Variants in ZNF385C observed in about 807,000 individuals in gnomAD.
ZNF385C encodes CTD-2132N18.2.
ZNF385C carries 28 observed loss-of-function variants against 35.4 expected under a neutral mutation model. That is an observed-to-expected ratio of 0.79 (90% CI 0.59 to 1.08). ZNF385C has a LOEUF of 1.08. Among genes scored for constraint, ZNF385C ranks in the 50% least tolerant of loss-of-function variants. The pLI is 0.00. For synonymous variants in ZNF385C, 248 were observed against 248.2 expected, an observed-to-expected ratio of 1.00 and a Z score of 0.01; for missense variants, 605 against 595.6, an observed-to-expected ratio of 1.02 and a Z score of -0.16.
chr17:42,092,589 C>G (rs1255024991), intron 1 of ZNF385C, among the ~76,000 whole-genome samples: 1 of 152,178 alleles, frequency 6.6e-6, no homozygotes, highest in African/African-American at 2.4e-5. Context: ...CTGCTAAAGT[C>G]TCACTGGAGG....
rs1555658121 is a variant in ZNF385C, at chr17:42,062,907, G to C, written c.150C>G (p.Ile50Met). 1.5e-6 allele frequency: 1 copy of C among 687,090 alleles called. No homozygotes were observed. Among genetic ancestry groups the C allele is most frequent in the South Asian group, 1.5e-5 (1 of 65,630 alleles). 42.6% of individuals were successfully genotyped at this position (687,090 alleles called of 1,614,324 possible). ...PSYTLCDVCN[I>M]QLNSAAQAQV... ...GGGCCTGGGCCGCCGAGTTCAGCTGGATGTTGCAGACATCACAGAGCGTGT... is the reference window on the plus strand; with the variant it reads ...GGGCCTGGGCCGCCGAGTTCAGCTGCATGTTGCAGACATCACAGAGCGTGT... The change falls in exon 2 of 9, where the codon ATC becomes ATG. Residue 50 changes from isoleucine to methionine, a missense_variant. Physicochemically the swap from Ile to Met is conservative, Grantham distance 10 (BLOSUM62 1). Transcript: ENST00000692273.
intron 2 of ZNF385C, chr17:42,040,259 C>T: frequency 1.1e-5 from 14 of 1,231,624 alleles, no homozygotes; most frequent in Non-Finnish European, 1.0e-5. Flanking sequence ...AGGAAGGATC[C>T]CCGGAGCCAC....
intron 2 of ZNF385C, chr17:42,038,573 C>T (rs531635524): frequency 1.3e-5 from 2 of 152,286 alleles, no homozygotes; most frequent in East Asian, 3.9e-4. Context: ...GGGGTAGGAA[C>T]TTGGAGAGCA....
chr17:42,093,757 C>T (rs1437809766), intron 1 of ZNF385C, among the ~76,000 whole-genome samples: 4 of 151,524 alleles, frequency 2.6e-5, no homozygotes, highest in Non-Finnish European at 4.4e-5. Context: ...ATTTTTTGTA[C>T]TTTTTTAGCA....
At chr17:42,072,030 G>A (rs1189940727) in intron 1 of ZNF385C, among the ~76,000 whole-genome samples, 4 of 152,278 alleles carry the variant, frequency 2.6e-5, no homozygotes, top group Admixed American at 2.6e-4. Flanking sequence ...GGTAGGAAGG[G>A]GCGGGACAGG....
At chr17:42,073,381 T>C (rs11079032) in intron 1 of ZNF385C, among the ~76,000 whole-genome samples, 88,518 of 151,516 alleles carry the variant, frequency 0.58, 26,209 homozygotes, top group African/African-American at 0.64. Flanking sequence ...TTGCAGTGAG[T>C]CAAAACCACC....
intron 2 of ZNF385C, chr17:42,043,057 G>T (rs1331803469): frequency 2.1e-5 from 26 of 1,232,196 alleles, no homozygotes; most frequent in South Asian, 1.2e-4. Flanking sequence ...GCCTGGGCAG[G>T]CCCCTCCACC....
chr17:42,069,171 C>A (rs1754835276), intron 1 of ZNF385C, among the ~76,000 whole-genome samples: 1 of 152,060 alleles, frequency 6.6e-6, no homozygotes, highest in African/African-American at 2.4e-5. Context: ...GAGGGAGCCA[C>A]CCACTTGGAG....
Position 42,068,971 on chromosome 17 carries a change from G to A in ZNF385C, c.-2-5913C>T, listed in dbSNP as rs541669695. Among the ~76,000 whole-genome samples the A allele has an allele frequency of 2.8e-4, 42 of 152,298 alleles. No individual in the cohort carries two copies. In the Middle Eastern group the frequency reaches 0.01, roughly 37 times the overall value. Reference sequence around the variant, plus strand: ...GGCTACACCCTGGGTAGAAAGAGGTGGGGCCAGAGCCAAAGAGGTGGGGAG... The same window carrying A: ...GGCTACACCCTGGGTAGAAAGAGGTAGGGCCAGAGCCAAAGAGGTGGGGAG... On this transcript the variant is annotated intron_variant, in intron 1 of 8. Transcript: ENST00000692273.
chr17:42,092,915 C>T (rs1276701329), intron 1 of ZNF385C, among the ~76,000 whole-genome samples: 3 of 79,652 alleles, frequency 3.8e-5, no homozygotes, highest in African/African-American at 5.1e-5. Context: ...CATCTGGGAG[C>T]GGGGGGCGGG....
At position 42,050,518 on chromosome 17, in the gene ZNF385C, G is replaced by A. The variant is rs2053259643; in HGVS notation, c.250+12289C>T. On this transcript the variant is annotated intron_variant, in intron 2 of 8. Coordinates refer to ENST00000692273, the MANE Select transcript of ZNF385C (RefSeq NM_001392013.1). This position sits in a 1 kb window ranked among gnomAD's most constrained non-coding sequence, Gnocchi z 5.6. ...CGCCCGCTCCGGGAGGGGGCGTCCAGCCCGGCCTGGCGCCCCCGCCCCGTC... is the reference window on the plus strand; with the variant it reads ...CGCCCGCTCCGGGAGGGGGCGTCCAACCCGGCCTGGCGCCCCCGCCCCGTC... 1 of 152,098 alleles carries A rather than the reference G, an allele frequency of 6.6e-6. No homozygotes were observed. The highest frequency in any genetic ancestry group is 2.4e-5 in the African/African-American group (1 of 41,394). 9.4% of individuals were successfully genotyped at this position (152,098 alleles called of 1,614,324 possible).
intron 1 of ZNF385C, among the ~76,000 whole-genome samples, chr17:42,083,366 G>A (rs755898483): frequency 2.4e-4 from 37 of 151,442 alleles, no homozygotes; most frequent in Non-Finnish European, 3.5e-4. Context: ...ACACGCCCCC[G>A]CTAATTTTTT....
intron 2 of ZNF385C, 180 bp downstream of exon 2, chr17:42,062,627 A>G: frequency 2.5e-6 from 1 of 402,050 alleles, no homozygotes; most frequent in Non-Finnish European, 4.4e-6. Flanking sequence ...AGGGTTGTCC[A>G]GATGCAGAAT....
At chr17:42,041,225 G>A (rs1401647936) in intron 2 of ZNF385C, 3 of 1,232,136 alleles carry the variant, frequency 2.4e-6, no homozygotes, top group African/African-American at 1.5e-5. Flanking sequence ...AGGGAGGACT[G>A]AGTTAGGCTT....
chr17:42,059,931 T>C (rs1343282088), intron 2 of ZNF385C, among the ~76,000 whole-genome samples: 2 of 152,144 alleles, frequency 1.3e-5, no homozygotes, highest in African/African-American at 4.8e-5. Context: ...CCTGGAGCTG[T>C]GGTCTTTTCT....
At chr17:42,037,574 C>T (rs1040564426) in intron 3 of ZNF385C, among the ~76,000 whole-genome samples, 163 bp downstream of exon 3, 7 of 152,104 alleles carry the variant, frequency 4.6e-5, no homozygotes, top group African/African-American at 1.7e-4. Flanking sequence ...CTTAGGATCC[C>T]AAATAGGGGT....
chr17:42,047,685 G>C (rs1454090283), intron 2 of ZNF385C, among the ~76,000 whole-genome samples: 2 of 151,270 alleles, frequency 1.3e-5, no homozygotes, highest in Non-Finnish European at 2.9e-5. Context: ...ACAGAGTCTT[G>C]CTCTGTTGCC....
rs1449519217 is a variant in ZNF385C, at chr17:42,042,938, G to T, written c.251-5053C>A. 7 of 1,232,378 alleles carry T rather than the reference G, an allele frequency of 5.7e-6. No homozygotes were observed. The Admixed American group carries it at 2.5e-4, about 45-fold the overall frequency. 76.3% of individuals were successfully genotyped at this position (1,232,378 alleles called of 1,614,324 possible). On this transcript the variant is annotated intron_variant, in intron 2 of 8. Coordinates refer to ENST00000692273, the MANE Select transcript of ZNF385C (RefSeq NM_001392013.1). The stretch of plus-strand genomic sequence containing the variant: ...TGCAGCTCGAGCAGGGCAGAGCAGC[G>T]GTCATTGGGCACATCCTCCTTTGCC...
At chr17:42,052,006 C>G (rs1371400889) in intron 2 of ZNF385C, among the ~76,000 whole-genome samples, 2 of 152,222 alleles carry the variant, frequency 1.3e-5, no homozygotes, top group African/African-American at 4.8e-5. Context: ...AGTGGCACCA[C>G]ACAGCCCTCA....
Sources: gnomAD v4.1 joint callset for allele counts (sites outside exome capture counted in the v4.1 genomes callset) on GRCh38, gnomAD v4.1.1 for gene constraint, Gnocchi (gnomAD v3.1) non-coding constraint, MANE v1.5 for transcripts, NCBI Gene and HGNC (gene_info 2026-07-23, HGNC 2026-07-21) for gene names.